Variants in DNER observed in about 807,000 individuals in gnomAD.
DNER encodes the protein delta/notch like EGF repeat containing, also known as delta and Notch-like epidermal growth factor-related receptor.
DNER carries 33 observed loss-of-function variants against 78.2 expected under a neutral mutation model. The ratio of observed to expected loss-of-function variants is 0.42; its 90% CI spans 0.32 to 0.56. DNER has a LOEUF of 0.56. Among genes scored for constraint, DNER ranks in the 20% least tolerant of loss-of-function variants. DNER has a pLI of 0.11. For synonymous variants in DNER, 417 were observed against 384.8 expected, an observed-to-expected ratio of 1.08 and a Z score of -0.98; for missense variants, 918 against 975.3, an observed-to-expected ratio of 0.94 and a Z score of 0.78.
rs949684294 is a variant in DNER, at chr2:229,586,041, T to G, written c.681-17A>C. ...TGCCGAATCCTGGAAACAGGAATGA[T>G]GTAAACAGAAAGCTCCTTTCAGAAA... On this transcript the variant is annotated splice_polypyrimidine_tract_variant and intron_variant, in intron 3 of 12. Coordinates refer to ENST00000341772, the MANE Select transcript of DNER (RefSeq NM_139072.4). 3.8e-6 allele frequency: 6 copies of G among 1,590,936 alleles called. No individual in the cohort carries two copies. The highest frequency in any genetic ancestry group is 5.1e-6 in the Non-Finnish European group (6 of 1,169,898).
At chr2:229,475,204 A>G (rs951658296) in intron 7 of DNER, among the ~76,000 whole-genome samples, 2 of 152,212 alleles carry the variant, frequency 1.3e-5, no homozygotes, top group African/African-American at 4.8e-5. Flanking sequence ...GCAGGGAGGT[A>G]TAAAATCACA....
chr2:229,409,270 A>G (rs1014528377), intron 9 of DNER, among the ~76,000 whole-genome samples: 4 of 152,194 alleles, frequency 2.6e-5, no homozygotes, highest in Non-Finnish European at 5.9e-5. Flanking sequence ...TCACATATTT[A>G]CAAGTTCCCA....
intron 4 of DNER, among the ~76,000 whole-genome samples, chr2:229,552,076 A>G (rs531998672): frequency 6.6e-6 from 1 of 152,362 alleles, no homozygotes; most frequent in South Asian, 2.1e-4. Flanking sequence ...AATGAAGATT[A>G]CTGAGCAGAA....
intron 5 of DNER, among the ~76,000 whole-genome samples, chr2:229,538,882 TA>T (rs903448607): frequency 1.3e-5 from 2 of 152,168 alleles, no homozygotes; most frequent in African/African-American, 4.8e-5. Context: ...CTTTTATCTG[TA>T]ATAACACTTG....
rs1559174498 is a variant in DNER, at chr2:229,586,552, A to AAAAC, written c.681-529_681-528insGTTT. ...AAAAAAAAAAAAAAAAAAAAAAAAC[A>AAAAC]CACAAAACCACCCCACAGAGAATAG... is the stretch of plus-strand genomic sequence containing the variant. On this transcript the variant is annotated intron_variant, in intron 3 of 12. Coordinates refer to ENST00000341772, the MANE Select transcript of DNER (RefSeq NM_139072.4). 5 of 99,108 alleles carry AAAAC rather than the reference A, an allele frequency of 5.0e-5. 1 individual carries two copies. The highest frequency in any genetic ancestry group is 4.4e-4 in the African/African-American group (5 of 11,444). The allele number at this position is 99,108 out of a possible 1,614,324, so 6.1% of individuals were successfully genotyped here. A position where few individuals can be genotyped will look rare whatever the true frequency, so the allele number is the denominator to read the frequency against.
In DNER at chr2:229,358,574, G is replaced by A. The variant is rs1275381868; in HGVS notation, c.2180C>T (p.Pro727Leu). 6.2e-7 allele frequency: 1 copy of A among 1,613,290 alleles called. No individual in the cohort carries two copies. The highest frequency in any genetic ancestry group is 2.2e-5 in the East Asian group (1 of 44,870). ...AYEDYSPDDK[P>L]LVTLIKTKDL ...TTTAGTTTTAATCAGTGTGACCAAG[G>A]GTTTGTCATCAGGACTGTAATCTTC... The change falls in exon 13 of 13, where the codon CCC (proline) becomes CTC (leucine). Residue 727 changes from proline (P) to leucine (L), a missense_variant. Pro to Leu is a moderately conservative substitution (Grantham distance 98, BLOSUM62 -3). Transcript: ENST00000341772.
Position 229,714,395 on chromosome 2 carries a change from C to G in DNER, c.29G>C (p.Gly10Ala). 8.4e-7 allele frequency: 1 copy of G among 1,186,560 alleles called. No individual in the cohort carries two copies. Among genetic ancestry groups the G allele is most frequent in the Non-Finnish European group, 1.0e-6 (1 of 961,806 alleles). The allele number at this position is 1,186,560 out of a possible 1,614,324, so 73.5% of individuals were successfully genotyped here. The change falls in exon 1 of 13, where the codon GGT (glycine) becomes GCT (alanine). Residue 10 changes from glycine to alanine, a missense_variant. Coordinates refer to ENST00000341772, the MANE Select transcript of DNER (RefSeq NM_139072.4). MQPRRAQAP[G>A]AQLLPALALL... is the part of the protein sequence containing the mutation. ...GGCCAGCGCGGGCAGCAGCTGCGCA[C>G]CGGGCGCCTGGGCGCGGCGGGGCTG...
chr2:229,651,616 G>A (rs1167456655), intron 1 of DNER, among the ~76,000 whole-genome samples: 2 of 152,210 alleles, frequency 1.3e-5, no homozygotes, highest in Non-Finnish European at 2.9e-5. Context: ...GCTCCCTAGG[G>A]TCTGTTTTAG....
chr2:229,569,007 G>A (rs1237232178), intron 4 of DNER, among the ~76,000 whole-genome samples: 1 of 152,114 alleles, frequency 6.6e-6, no homozygotes, highest in Non-Finnish European at 1.5e-5. Context: ...ATACACGAAT[G>A]TGCATCTCTG....
intron 1 of DNER, among the ~76,000 whole-genome samples, chr2:229,624,720 G>A (rs770273546): frequency 2.0e-5 from 3 of 152,170 alleles, no homozygotes; most frequent in African/African-American, 2.4e-5. Context: ...ACCCGAAATC[G>A]TTTTTCTCTC....
intron 5 of DNER, among the ~76,000 whole-genome samples, 166 bp from the exon 6 acceptor site, chr2:229,513,102 T>C (rs1264967227): frequency 6.6e-6 from 1 of 152,216 alleles, no homozygotes; most frequent in Admixed American, 6.5e-5. Context: ...AGACAAACAG[T>C]AGTTTCTTTA....
intron 4 of DNER, among the ~76,000 whole-genome samples, chr2:229,573,605 T>C (rs1697251138): frequency 6.6e-6 from 1 of 152,146 alleles, no homozygotes; most frequent in Non-Finnish European, 1.5e-5. Flanking sequence ...TCGTAAAAAG[T>C]CTATGATAAA....
At chr2:229,550,226 C>G (rs1175062138) in intron 4 of DNER, among the ~76,000 whole-genome samples, 2 of 151,912 alleles carry the variant, frequency 1.3e-5, no homozygotes, top group Non-Finnish European at 2.9e-5. Flanking sequence ...CTCCTGGCCT[C>G]AAGTGATCCT....
chr2:229,607,104 TC>T (rs1697955508), intron 1 of DNER, among the ~76,000 whole-genome samples: 2 of 152,164 alleles, frequency 1.3e-5, no homozygotes, highest in African/African-American at 4.8e-5. Context: ...GGATAAACGG[TC>T]AACAAAACCT....
At chr2:229,519,505 A>G (rs918455526) in intron 5 of DNER, among the ~76,000 whole-genome samples, 4 of 152,144 alleles carry the variant, frequency 2.6e-5, no homozygotes, top group African/African-American at 9.7e-5. Flanking sequence ...TATTGCATTA[A>G]CCTTCACCAT....
At chr2:229,529,885 TG>T (rs1696270198) in intron 5 of DNER, among the ~76,000 whole-genome samples, 1 of 152,196 alleles carries the variant, frequency 6.6e-6, no homozygotes, top group East Asian at 1.9e-4. Flanking sequence ...GGTATACCCG[TG>T]TGGTCCCAGC....
Position 229,418,217 on chromosome 2 carries a change from G to T in DNER, c.1500C>A (p.Leu500=), listed in dbSNP as rs746302342. ...ACTCATTATATTCCTCCTCACAGTA[G>T]AGGCCATGGTAACCTGAGGGACAGA... is the stretch of plus-strand genomic sequence containing the variant. ...KCLCDPGYHG[L]YCEEEYNECL... The change falls in exon 9 of 13, where the codon CTC becomes CTA. Residue 500 remains leucine, a synonymous_variant. Transcript: ENST00000341772. 4 of 1,614,042 alleles carry T rather than the reference G, an allele frequency of 2.5e-6. No homozygotes were observed. The highest frequency in any genetic ancestry group is 3.4e-6 in the Non-Finnish European group (4 of 1,179,988).
At chr2:229,694,889 G>T (rs1699637530) in intron 1 of DNER, among the ~76,000 whole-genome samples, 1 of 152,148 alleles carries the variant, frequency 6.6e-6, no homozygotes, top group South Asian at 2.1e-4. Context: ...TTGAATGTGA[G>T]GACATGAGAT....
chr2:229,368,631 G>A (rs1313306344), intron 11 of DNER, among the ~76,000 whole-genome samples: 1 of 152,212 alleles, frequency 6.6e-6, no homozygotes, highest in Admixed American at 6.5e-5. Flanking sequence ...CAAAAGGATA[G>A]TATGATAATG....
Sources: gnomAD v4.1 joint callset for allele counts (sites outside exome capture counted in the v4.1 genomes callset) on GRCh38, gnomAD v4.1.1 for gene constraint, MANE v1.5 for transcripts, NCBI Gene and HGNC (gene_info 2026-07-23, HGNC 2026-07-21) for gene names.